Variants in GRIK2 observed in about 807,000 individuals in gnomAD.
GRIK2 encodes the protein glutamate receptor ionotropic, kainate 2.
A neutral mutation model predicts 100.3 loss-of-function variants in GRIK2; 32 were observed. That is an observed-to-expected ratio of 0.32 (90% CI 0.24 to 0.43). The LOEUF is 0.43. Ranked by LOEUF, GRIK2 falls within the 20% of genes least tolerant of loss-of-function variation. GRIK2 has a pLI of 1.00. For missense variants in GRIK2, 843 were observed against 1,114.9 expected, an observed-to-expected ratio of 0.76 and a Z score of 3.47; for synonymous variants, 417 against 389.4, an observed-to-expected ratio of 1.07 and a Z score of -0.83.
chr6:101,812,802 CAG>C (rs1419397373), intron 9 of GRIK2, among the ~76,000 whole-genome samples: 3 of 151,870 alleles, frequency 2.0e-5, no homozygotes, highest in Admixed American at 6.6e-5. Flanking sequence ...TATTTTGAAA[CAG>C]TAATTAAGAT....
intron 4 of GRIK2, among the ~76,000 whole-genome samples, chr6:101,652,597 G>A (rs1179592623): frequency 6.6e-6 from 1 of 152,066 alleles, no homozygotes; most frequent in Non-Finnish European, 1.5e-5. Flanking sequence ...AGTGATAGAT[G>A]GCAGGGGAAT....
chr6:101,852,636 T>C (rs965024130), intron 10 of GRIK2, among the ~76,000 whole-genome samples: 9 of 152,192 alleles, frequency 5.9e-5, no homozygotes, highest in African/African-American at 1.9e-4. Flanking sequence ...AAGGCTTACA[T>C]ATAAATCATC....
At chr6:101,568,713 A>G (rs1777397632) in intron 2 of GRIK2, among the ~76,000 whole-genome samples, 1 of 152,078 alleles carries the variant, frequency 6.6e-6, no homozygotes. Flanking sequence ...ACCATTTCTA[A>G]CTATCTTAAA....
chr6:101,593,851 T>C (rs1486551675), intron 2 of GRIK2, among the ~76,000 whole-genome samples: 1 of 151,888 alleles, frequency 6.6e-6, no homozygotes, highest in African/African-American at 2.4e-5. Context: ...TCTCATGCTA[T>C]TGGAAAATTT....
At chr6:102,015,369 T>C (rs1357097237) in intron 14 of GRIK2, among the ~76,000 whole-genome samples, 1 of 152,156 alleles carries the variant, frequency 6.6e-6, no homozygotes, top group African/African-American at 2.4e-5. Context: ...CAGCATACCA[T>C]TGGATCTTGC....
At chr6:101,955,748 T>A (rs953357471) in intron 14 of GRIK2, among the ~76,000 whole-genome samples, 4 of 152,144 alleles carry the variant, frequency 2.6e-5, no homozygotes, top group African/African-American at 9.7e-5. Flanking sequence ...TTTTTTCTGT[T>A]AGATTGTAGG....
In GRIK2 at chr6:101,562,219, TA is replaced by T. The variant is rs796642795; in HGVS notation, c.116-59720del. Reference sequence around the variant, plus strand: ...ATAATTTAGATCTGCTATCATTCCCTAAAAAAAAAACTTTAGGGGAGCTTTT... The same window carrying T: ...ATAATTTAGATCTGCTATCATTCCCTAAAAAAAAACTTTAGGGGAGCTTTT... On this transcript the variant is annotated intron_variant, in intron 2 of 16. Transcript: ENST00000369134. Among the ~76,000 whole-genome samples the T allele has an allele frequency of 5.5e-3, 819 of 148,104 alleles. 4 individuals carry two copies. The highest frequency in any genetic ancestry group is 0.011 in the Middle Eastern group (3 of 280).
Position 101,621,797 on chromosome 6 carries a change from CCTCTCT to C in GRIK2, c.116-143_116-138del. On this transcript the variant is annotated intron_variant, in intron 2 of 16. Coordinates refer to ENST00000369134, the MANE Select transcript of GRIK2 (RefSeq NM_021956.5). Reference sequence around the variant, plus strand: ...CACACCCCATGTACTTAAATCTCTCCCTCTCTCTCTCTCTTTCTCTCTCTCACACAC... The same window carrying C: ...CACACCCCATGTACTTAAATCTCTCCCTCTCTCTTTCTCTCTCTCACACAC... 6.8e-6 allele frequency: 4 copies of C among 592,032 alleles called. No homozygotes were observed. The South Asian group carries it at 8.5e-5, about 13-fold the overall frequency. 36.7% of individuals were successfully genotyped at this position (592,032 alleles called of 1,614,324 possible).
intron 2 of GRIK2, among the ~76,000 whole-genome samples, chr6:101,511,302 C>T (rs1774300246): frequency 6.6e-6 from 1 of 152,128 alleles, no homozygotes; most frequent in Non-Finnish European, 1.5e-5. Context: ...CATTTAACTA[C>T]CAAGTTTCTT....
rs186024778 is a variant in GRIK2 at position 101,942,755 on chromosome 6, C to T, written c.2085+14123C>T. Among the ~76,000 whole-genome samples, 233 of 152,240 alleles carry T rather than the reference C, an allele frequency of 1.5e-3. 1 individual carries two copies. Among genetic ancestry groups the T allele is most frequent in the Non-Finnish European group, 2.3e-3 (158 of 68,004 alleles). ...CTTCTACTAACAGCATACAGTCATA[C>T]ATGTTCACAAAGAGATGGTCTGAAA... On this transcript the variant is annotated intron_variant, in intron 14 of 16. Transcript: ENST00000369134.
chr6:101,497,703 C>A (rs2579925), intron 2 of GRIK2, among the ~76,000 whole-genome samples: 51,823 of 151,688 alleles, frequency 0.34, 9,069 homozygotes, highest in Middle Eastern at 0.45. Flanking sequence ...ATATGCTTAC[C>A]TTCATAGGTA....
chr6:101,487,364 T>A (rs1426110856), intron 2 of GRIK2, among the ~76,000 whole-genome samples: 2 of 146,336 alleles, frequency 1.4e-5, no homozygotes, highest in East Asian at 3.9e-4. Context: ...TGCAAATTTC[T>A]TCACCTCCTG....
intron 7 of GRIK2, among the ~76,000 whole-genome samples, chr6:101,795,149 G>A (rs564874778): frequency 3.3e-5 from 5 of 152,208 alleles, no homozygotes; most frequent in East Asian, 1.9e-4. Context: ...TTACAGATGT[G>A]AGCCACCATA....
intron 10 of GRIK2, among the ~76,000 whole-genome samples, chr6:101,846,904 C>G (rs923425721): frequency 2.3e-4 from 35 of 151,484 alleles, no homozygotes; most frequent in African/African-American, 8.2e-4. Flanking sequence ...CTTGATTGGT[C>G]TAGCTAAAGA....
At chr6:101,845,666 G>A (rs1012652421) in intron 10 of GRIK2, among the ~76,000 whole-genome samples, 1 of 151,892 alleles carries the variant, frequency 6.6e-6, no homozygotes, top group African/African-American at 2.4e-5. Context: ...AATCTTTTTG[G>A]GTATATACCT....
rs73510693 is a variant in GRIK2, at chr6:101,715,759, G to A, written c.951+29406G>A. On this transcript the variant is annotated intron_variant, in intron 7 of 16. Coordinates refer to ENST00000369134, the MANE Select transcript of GRIK2 (RefSeq NM_021956.5). The stretch of plus-strand genomic sequence containing the variant: ...GGAAGAAGTTTGGAAATAAATGACC[G>A]TGATTTAATATGGAAGAATCACAGC... 8.6e-3 allele frequency among the ~76,000 whole-genome samples: 1,310 copies of A among 151,856 alleles called. 13 individuals carry two copies. Among genetic ancestry groups the A allele is most frequent in the African/African-American group, 0.031 (1,265 of 41,470 alleles).
At chr6:101,691,055 A>G (rs564350128) in intron 7 of GRIK2, among the ~76,000 whole-genome samples, 1 of 152,266 alleles carries the variant, frequency 6.6e-6, no homozygotes, top group East Asian at 1.9e-4. Flanking sequence ...CCCTATACCT[A>G]GTTTAATGCC....
At chr6:101,510,359 G>A (rs543126662) in intron 2 of GRIK2, among the ~76,000 whole-genome samples, 2 of 152,204 alleles carry the variant, frequency 1.3e-5, no homozygotes, top group Admixed American at 1.3e-4. Context: ...GGTGGTCATG[G>A]TTGAAATGTT....
chr6:101,761,395 C>T (rs1050460539), intron 7 of GRIK2, among the ~76,000 whole-genome samples: 2 of 152,012 alleles, frequency 1.3e-5, no homozygotes, highest in Non-Finnish European at 2.9e-5. Context: ...AATACAGGTT[C>T]CCCTAAAGGC....
Sources: allele counts gnomAD v4.1 joint callset (sites outside exome capture counted in the v4.1 genomes callset), GRCh38; gene constraint gnomAD v4.1.1; transcripts MANE v1.5; gene names NCBI Gene and HGNC (gene_info 2026-07-23, HGNC 2026-07-21).